Variants in COL9A1 observed in about 807,000 individuals in gnomAD.
COL9A1 encodes collagen type IX alpha 1 chain.
Under a neutral mutation model 142.6 loss-of-function variants are expected in COL9A1, and 104 were observed. The observed-to-expected ratio is 0.73, with a 90% CI of 0.62 to 0.86. COL9A1 has a LOEUF of 0.86. Among genes scored for constraint, COL9A1 ranks in the 40% least tolerant of loss-of-function variants. The pLI is 0.00. For synonymous variants in COL9A1, 466 were observed against 396.0 expected (o/e 1.18, Z -2.10); for missense variants, 1,210 against 1,176.6 (o/e 1.03, Z -0.42).
At chr6:70,230,778 A>G (rs1010742469) in intron 36 of COL9A1, among the ~76,000 whole-genome samples, 1 of 152,220 alleles carries the variant, frequency 6.6e-6, no homozygotes, top group African/African-American at 2.4e-5. Context: ...CAATAAAATC[A>G]GAATCTCTGA....
chr6:70,281,319 C>A, intron 8 of COL9A1, 71 bp downstream of exon 8: 6 of 1,452,428 alleles, frequency 4.1e-6, no homozygotes, highest in South Asian at 1.2e-5. Context: ...AAAAACCCCA[C>A]AGGAGCCCTG....
At chr6:70,252,961 T>C (rs1771046056) in intron 26 of COL9A1, among the ~76,000 whole-genome samples, 1 of 152,234 alleles carries the variant, frequency 6.6e-6, no homozygotes, top group Admixed American at 6.5e-5. Context: ...CTATTGTTTT[T>C]AACTGCTTAC....
chr6:70,285,002 T>C (rs1165077109), intron 5 of COL9A1, among the ~76,000 whole-genome samples: 3 of 152,244 alleles, frequency 2.0e-5, no homozygotes, highest in Non-Finnish European at 4.4e-5. Context: ...AAGTCTTTCC[T>C]TCCTACCCAC....
chr6:70,282,098 G>A (rs374011531), intron 7 of COL9A1, among the ~76,000 whole-genome samples: 4 of 152,160 alleles, frequency 2.6e-5, no homozygotes, highest in African/African-American at 9.7e-5. Flanking sequence ...CCTGGGGCGT[G>A]ACCCCTTTTA....
intron 12 of COL9A1, among the ~76,000 whole-genome samples, chr6:70,272,789 T>C (rs984460803): frequency 1.3e-5 from 2 of 152,212 alleles, no homozygotes; most frequent in African/African-American, 4.8e-5. Context: ...TTCATCTTCC[T>C]AGCCCCAACT....
chr6:70,245,102 A>G (rs1770510655), intron 28 of COL9A1, among the ~76,000 whole-genome samples: 1 of 152,228 alleles, frequency 6.6e-6, no homozygotes. Context: ...TACAGAAATC[A>G]CCTCACTGTG....
At position 70,281,455 on chromosome 6, in the gene COL9A1, G is replaced by C. The variant is rs763082729; in HGVS notation, c.811C>G (p.Pro271Ala). Residue 271 changes from proline (P) to alanine (A), a missense_variant, in exon 8 of 38, where the codon CCG becomes GCG. Coordinates refer to ENST00000357250, the MANE Select transcript of COL9A1 (RefSeq NM_001851.6). ...GGCCCGGGAGGACCCTGCTCACCCG[G>C]GGGACCTCTCTGGCAAAAATAGCAG... Reference protein sequence around the residue: ...PSQTTDERGPPGEQGPPGPPG... With the variant: ...PSQTTDERGPAGEQGPPGPPG... The C allele has an allele frequency of 6.2e-7, 1 of 1,612,414 alleles. No homozygotes were observed. The highest frequency in any genetic ancestry group is 1.1e-5 in the South Asian group (1 of 90,800).
At chr6:70,282,846 C>A in intron 7 of COL9A1, 52 bp downstream of exon 7, 2 of 1,613,766 alleles carry the variant, frequency 1.2e-6, no homozygotes, top group Non-Finnish European at 1.7e-6. Flanking sequence ...TGCGCCCCGA[C>A]CTGTCCTCGT....
At chr6:70,240,595 ACC>A in intron 32 of COL9A1, 92 bp downstream of exon 32, 1 of 665,110 alleles carries the variant, frequency 1.5e-6, no homozygotes, top group East Asian at 2.7e-5. Context: ...ATATATATAT[ACC>A]AATTTTGAAC....
At chr6:70,272,262 A>G (rs1772454264) in intron 12 of COL9A1, among the ~76,000 whole-genome samples, 174 bp from the exon 13 acceptor site, 2 of 152,166 alleles carry the variant, frequency 1.3e-5, no homozygotes, top group African/African-American at 4.8e-5. Flanking sequence ...TACAGGAAGC[A>G]GAAGCTTATT....
intron 36 of COL9A1, among the ~76,000 whole-genome samples, chr6:70,229,221 A>T (rs149953625): frequency 5.8e-4 from 89 of 152,244 alleles, no homozygotes; most frequent in African/African-American, 2.1e-3. Context: ...ACAGCAAACC[A>T]TGTATACAGG....
At chr6:70,230,103 A>AT (rs1360719615) in intron 36 of COL9A1, among the ~76,000 whole-genome samples, 1 of 152,200 alleles carries the variant, frequency 6.6e-6, no homozygotes, top group African/African-American at 2.4e-5. Context: ...ATACTGAAAT[A>AT]TATCTCTCCT....
intron 33 of COL9A1, among the ~76,000 whole-genome samples, chr6:70,238,203 G>C (rs930462010): frequency 5.3e-5 from 8 of 152,184 alleles, no homozygotes; most frequent in African/African-American, 1.9e-4. Context: ...GGACAGAGAA[G>C]GGTTGAGGAG....
At chr6:70,292,432 C>T (rs747185789) in intron 5 of COL9A1, among the ~76,000 whole-genome samples, 3 of 152,156 alleles carry the variant, frequency 2.0e-5, no homozygotes, top group Non-Finnish European at 4.4e-5. Context: ...TTTCTGGTTA[C>T]ACTCCTGCAT....
In COL9A1 at chr6:70,224,901, T is replaced by A. The variant is rs63560360; in HGVS notation, c.2581+1031A>T. On this transcript the variant is annotated intron_variant, in intron 37 of 37. Coordinates refer to ENST00000357250, the MANE Select transcript of COL9A1 (RefSeq NM_001851.6). ...TTATCTCCAAACATTCATGTTTTTTTAAAAAATTTTTTAATGAGAACACAA... is the reference window on the plus strand; with the variant it reads ...TTATCTCCAAACATTCATGTTTTTTAAAAAAATTTTTTAATGAGAACACAA... Among the ~76,000 whole-genome samples, 204 of 151,786 alleles carry A rather than the reference T, an allele frequency of 1.3e-3. 1 individual carries two copies. The highest frequency in any genetic ancestry group is 1.1e-3 in the Non-Finnish European group (72 of 67,990).
chr6:70,260,596 C>G, intron 20 of COL9A1, 61 bp downstream of exon 20: 2 of 1,458,552 alleles, frequency 1.4e-6, no homozygotes, highest in South Asian at 2.5e-5. Context: ...TATGTTTAAA[C>G]GGCCAAAATT....
At chr6:70,221,018 A>G (rs2127548107) in intron 37 of COL9A1, among the ~76,000 whole-genome samples, 1 of 152,334 alleles carries the variant, frequency 6.6e-6, no homozygotes, top group African/African-American at 2.4e-5. Flanking sequence ...CTATTGAAAC[A>G]TTACTACATA....
chr6:70,271,931 A>T, intron 13 of COL9A1, 134 bp downstream of exon 13: 1 of 965,566 alleles, frequency 1.0e-6, no homozygotes, highest in Non-Finnish European at 1.6e-6. Flanking sequence ...TATCCTTAGT[A>T]GCCACCTAAG....
chr6:70,298,667 A>G (rs779789503), intron 4 of COL9A1, among the ~76,000 whole-genome samples: 5 of 152,226 alleles, frequency 3.3e-5, no homozygotes, highest in African/African-American at 4.8e-5. Flanking sequence ...TCTGAACTTA[A>G]GAGTTAATGA....
Sources: allele counts gnomAD v4.1 joint callset (sites outside exome capture counted in the v4.1 genomes callset), GRCh38; gene constraint gnomAD v4.1.1; transcripts MANE v1.5; gene names NCBI Gene and HGNC (gene_info 2026-07-23, HGNC 2026-07-21).